The following ZNF506 variants were observed in gnomAD, a reference collection of about 807,000 sequenced individuals.
ZNF506 encodes the protein zinc finger protein 506.
A neutral mutation model predicts 11.6 loss-of-function variants in ZNF506; 10 were observed. The observed-to-expected ratio is 0.86, with a 90% CI of 0.53 to 1.46. ZNF506 has a LOEUF of 1.46. Ranked by LOEUF, ZNF506 falls within the 40% of genes most tolerant of loss-of-function variation. The pLI is 0.00. For missense variants in ZNF506, 425 were observed against 521.2 expected (o/e 0.82, Z 1.80); for synonymous variants, 156 against 173.3 (o/e 0.90, Z 0.78).
intron 1 of ZNF506, 79 bp downstream of exon 1, chr19:19,821,522 T>G (rs2062966984): frequency 6.3e-6 from 10 of 1,599,620 alleles, no homozygotes; most frequent in Middle Eastern, 1.7e-4. Flanking sequence ...GTTCTGCCAC[T>G]GCCACAGCCA....
In ZNF506 at chr19:19,808,843, C is replaced by CAAAAAAAA. The variant is rs35282430; in HGVS notation, c.4-1783_4-1776dup. ...TTGGTGACACAGCGAGACTCTGTCTCAAAAAAAAAAAAAAAAAAAAGAAAC... is the reference window on the plus strand; with the variant it reads ...TTGGTGACACAGCGAGACTCTGTCTCAAAAAAAAAAAAAAAAAAAAAAAAAAAAGAAAC... On this transcript the variant is annotated intron_variant, in intron 1 of 3. Coordinates refer to ENST00000540806, the MANE Select transcript of ZNF506 (RefSeq NM_001099269.3). 8.5e-5 allele frequency among the ~76,000 whole-genome samples: 7 copies of CAAAAAAAA among 82,704 alleles called. 1 individual carries two copies. The highest frequency in any genetic ancestry group is 9.1e-4 in the South Asian group (2 of 2,188). The allele number at this position is 82,704 out of a possible 152,430, so 54.3% of individuals were successfully genotyped here. A position where few individuals can be genotyped will look rare whatever the true frequency, so the allele number is the denominator to read the frequency against.
intron 1 of ZNF506, among the ~76,000 whole-genome samples, chr19:19,817,187 A>G (rs1310906818): frequency 6.6e-6 from 1 of 152,070 alleles, no homozygotes; most frequent in Non-Finnish European, 1.5e-5. Flanking sequence ...GAGTCAACAT[A>G]CAACCCCATT....
chr19:19,795,782 G>T, intron 3 of ZNF506, 122 bp from the exon 4 acceptor site: 1 of 952,828 alleles, frequency 1.0e-6, no homozygotes, highest in African/African-American at 1.7e-5. Context: ...AATACCACAA[G>T]CTGTAATTTC....
chr19:19,804,588 T>C (rs1425328291), intron 3 of ZNF506, among the ~76,000 whole-genome samples: 1 of 152,194 alleles, frequency 6.6e-6, no homozygotes, highest in East Asian at 1.9e-4. Context: ...ACTGGGTATA[T>C]ACCCAAAGGA....
intron 1 of ZNF506, chr19:19,820,453 T>TGGGA (rs1460887783): frequency 6.6e-6 from 1 of 152,212 alleles, no homozygotes; most frequent in Non-Finnish European, 1.5e-5. Context: ...CCCAGCAATT[T>TGGGA]GGGAGGCTGA....
intron 3 of ZNF506, among the ~76,000 whole-genome samples, chr19:19,801,494 CAA>C (rs11410517): frequency 7.6e-6 from 1 of 131,344 alleles, no homozygotes; most frequent in Non-Finnish European, 1.6e-5. Flanking sequence ...GAATCCATCT[CAA>C]AAAAAAAAAA....
intron 3 of ZNF506, among the ~76,000 whole-genome samples, chr19:19,800,799 T>C (rs757780571): frequency 2.4e-4 from 37 of 152,158 alleles, no homozygotes; most frequent in African/African-American, 8.9e-4. Flanking sequence ...AAAAATAATA[T>C]AGATTCATAA....
At chr19:19,808,108 C>CTTGTTTTT (rs2062850007) in intron 1 of ZNF506, among the ~76,000 whole-genome samples, 1 of 56,730 alleles carries the variant, frequency 1.8e-5, no homozygotes, top group Admixed American at 2.7e-4. Flanking sequence ...TCATTAACCA[C>CTTGTTTTT]TTTTTTTTTT....
intron 3 of ZNF506, among the ~76,000 whole-genome samples, chr19:19,804,568 T>C (rs1007331995): frequency 4.6e-5 from 7 of 152,152 alleles, no homozygotes; most frequent in Non-Finnish European, 8.8e-5. Context: ...TTTGATCCAG[T>C]GATCCCATTA....
chr19:19,812,892 A>G (rs758710253), intron 1 of ZNF506, among the ~76,000 whole-genome samples: 5 of 152,240 alleles, frequency 3.3e-5, no homozygotes, highest in Non-Finnish European at 7.3e-5. Context: ...CATGAACATT[A>G]TGGAGAAAGG....
chr19:19,814,667 C>A (rs2062914773), intron 1 of ZNF506, among the ~76,000 whole-genome samples: 1 of 151,464 alleles, frequency 6.6e-6, no homozygotes, highest in Non-Finnish European at 1.5e-5. Context: ...GTGTAACAAA[C>A]CTACATGTGT....
Position 19,795,157 on chromosome 19 carries a change from G to C in ZNF506, c.730C>G (p.Leu244Val). The change falls in exon 4 of 4, where the codon CTT (leucine) becomes GTT (valine). Residue 244 changes from leucine to valine, a missense_variant. By Grantham distance (32) the Leu-to-Val change is conservative. This residue lies in a region of ZNF506 where 7 missense variants were observed against 26.4 expected (regional missense o/e 0.27). Transcript: ENST00000540806. ...CGKAYKQSCNLTTHKIIHTGE... is the reference protein window; with the variant it reads ...CGKAYKQSCNVTTHKIIHTGE... ...GTATGAATTATCTTATGTGTAGTAA[G>C]GTTACAGGACTGCTTATAGGCTTTG... 1 of 1,613,684 alleles carries C rather than the reference G, an allele frequency of 6.2e-7. No individual in the cohort carries two copies. Among genetic ancestry groups the C allele is most frequent in the Non-Finnish European group, 8.5e-7 (1 of 1,179,908 alleles).
At chr19:19,810,168 T>TC (rs2062873189) in intron 1 of ZNF506, among the ~76,000 whole-genome samples, 1 of 151,984 alleles carries the variant, frequency 6.6e-6, no homozygotes, top group Non-Finnish European at 1.5e-5. Flanking sequence ...CGGATGTTGC[T>TC]CCCCCTTAGC....
intron 1 of ZNF506, among the ~76,000 whole-genome samples, chr19:19,821,177 G>C (rs1318260215): frequency 6.6e-6 from 1 of 152,160 alleles, no homozygotes; most frequent in African/African-American, 2.4e-5. Flanking sequence ...GGGATTACAG[G>C]GGTGACCCAC....
rs1321985429 is a variant in ZNF506, at chr19:19,794,265, G to A, written c.*287C>T. ...GCAGAAGTTGCAGTGAGCTGAGATC[G>A]TGCCATTGCACTCCAGCCTGGGTGA... On this transcript the variant is annotated 3_prime_UTR_variant, in exon 4 of 4. Transcript: ENST00000540806. The A allele has an allele frequency of 2.8e-5, 7 of 247,076 alleles. No individual in the cohort carries two copies. Among genetic ancestry groups the A allele is most frequent in the Admixed American group, 1.0e-4 (2 of 19,982 alleles). 15.3% of individuals were successfully genotyped at this position (247,076 alleles called of 1,614,324 possible).
intron 1 of ZNF506, among the ~76,000 whole-genome samples, chr19:19,809,885 TAG>T (rs1169874621): frequency 2.0e-5 from 3 of 152,182 alleles, no homozygotes; most frequent in Non-Finnish European, 4.4e-5. Context: ...GGCCTCACCT[TAG>T]AGTCATATGA....
chr19:19,796,530 A>C (rs1025712677), intron 3 of ZNF506: 2 of 151,900 alleles, frequency 1.3e-5, no homozygotes, highest in African/African-American at 2.4e-5. Context: ...CAGCCTCCCA[A>C]CTAGATGGGA....
At chr19:19,821,544 TC>T in intron 1 of ZNF506, 56 bp downstream of exon 1, 2 of 1,612,896 alleles carry the variant, frequency 1.2e-6, no homozygotes, top group Non-Finnish European at 1.7e-6. Context: ...AGCCACTTCC[TC>T]CCCAGTTCCA....
At position 19,793,085 on chromosome 19, in the gene ZNF506, T is replaced by C. The variant is rs984734773; in HGVS notation, c.*1467A>G. ...GAATAAAATAACAGCGTAAAGAAAT[T>C]TGAAAGTTGTATTACATCATTATTC... On this transcript the variant is annotated 3_prime_UTR_variant, in exon 4 of 4. Coordinates refer to ENST00000540806, the MANE Select transcript of ZNF506 (RefSeq NM_001099269.3). Among the ~76,000 whole-genome samples, 1 of 152,160 alleles carries C rather than the reference T, an allele frequency of 6.6e-6. No homozygotes were observed. Among genetic ancestry groups the C allele is most frequent in the South Asian group, 2.1e-4 (1 of 4,828 alleles).
Sources: gnomAD v4.1 joint callset for allele counts (sites outside exome capture counted in the v4.1 genomes callset) on GRCh38, gnomAD v4.1.1 for gene constraint, gnomAD v4.1.1 regional missense constraint, MANE v1.5 for transcripts, NCBI Gene and HGNC (gene_info 2026-07-23, HGNC 2026-07-21) for gene names.